The following ENTPD3 variants were observed in gnomAD, a reference collection of about 807,000 sequenced individuals.
ENTPD3 encodes CD39 antigen-like 3.
ENTPD3 carries 60 observed loss-of-function variants against 51.2 expected under a neutral mutation model. That is an observed-to-expected ratio of 1.17 (90% CI 0.95 to 1.45). The LOEUF (loss-of-function observed/expected upper bound fraction) is 1.45. ENTPD3 is among the 40% of genes most tolerant of loss of function. ENTPD3 has a pLI of 0.00. For missense variants in ENTPD3, 593 were observed against 641.1 expected (o/e 0.93, Z 0.81); for synonymous variants, 221 against 238.4 (o/e 0.93, Z 0.67).
chr3:40,400,858 C>T (rs200025674), intron 3 of ENTPD3, 36 bp from the exon 4 acceptor site: 12 of 1,544,490 alleles, frequency 7.8e-6, no homozygotes, highest in African/African-American at 2.7e-5. Context: ...AGAGGAGTCC[C>T]GCCCATTCTG....
Position 40,423,864 on chromosome 3 carries a change from C to T in ENTPD3, c.1254C>T (p.Ala418=), listed in dbSNP as rs1256182268. ...LLLPKFDEVY[A]RSYCFSANYI... is the part of the protein sequence containing the mutation. ...TCCCCAAATTTGATGAGGTATATGCCCGCTCTTACTGCTTCTCAGCCAACT... is the reference window on the plus strand; with the variant it reads ...TCCCCAAATTTGATGAGGTATATGCTCGCTCTTACTGCTTCTCAGCCAACT... The change falls in exon 10 of 11, where the codon GCC becomes GCT. Residue 418 remains alanine (A), a synonymous_variant. Coordinates refer to ENST00000301825, the MANE Select transcript of ENTPD3 (RefSeq NM_001248.4). The T allele has an allele frequency of 6.2e-7, 1 of 1,614,088 alleles. No individual in the cohort carries two copies. The highest frequency in any genetic ancestry group is 8.5e-7 in the Non-Finnish European group (1 of 1,179,998).
In ENTPD3 at chr3:40,423,678, AT is replaced by A. The variant is rs1955928086; in HGVS notation, c.1216-146del. 8.7e-6 allele frequency: 8 copies of A among 918,356 alleles called. No individual in the cohort carries two copies. In the East Asian group the frequency reaches 2.1e-4, roughly 24 times the overall value. 56.9% of individuals were successfully genotyped at this position (918,356 alleles called of 1,614,324 possible). On this transcript the variant is annotated intron_variant, in intron 9 of 10. Transcript: ENST00000301825. ...TATATAGGGATATTTTCATAATTATATTGTGTGATTATATGATTGTATTATA... is the reference window on the plus strand; with the variant it reads ...TATATAGGGATATTTTCATAATTATATGTGTGATTATATGATTGTATTATA...
At chr3:40,388,783 G>A (rs1490089776) in intron 2 of ENTPD3, among the ~76,000 whole-genome samples, 1 of 152,134 alleles carries the variant, frequency 6.6e-6, no homozygotes, top group Non-Finnish European at 1.5e-5. Context: ...TTTCCTAAAT[G>A]AGTAAGACCT....
At chr3:40,399,927 C>A (rs944196386) in intron 3 of ENTPD3, among the ~76,000 whole-genome samples, 2 of 151,978 alleles carry the variant, frequency 1.3e-5, no homozygotes, top group Admixed American at 6.6e-5. Flanking sequence ...TGCTTTTTTT[C>A]TCCTTAATTA....
intron 2 of ENTPD3, among the ~76,000 whole-genome samples, chr3:40,390,215 T>C (rs1330071861): frequency 6.6e-6 from 1 of 152,172 alleles, no homozygotes; most frequent in Non-Finnish European, 1.5e-5. Flanking sequence ...ATTATTATTA[T>C]TTTTTTAGAG....
intron 3 of ENTPD3, 66 bp from the exon 4 acceptor site, chr3:40,400,828 C>A: frequency 8.2e-7 from 1 of 1,215,198 alleles, no homozygotes; most frequent in Non-Finnish European, 1.2e-6. Flanking sequence ...TCTCAGTGGC[C>A]CACTGAGAAA....
At chr3:40,425,127 G>A (rs1955956704) in intron 10 of ENTPD3, 1 of 220,024 alleles carries the variant, frequency 4.5e-6, no homozygotes, top group Admixed American at 4.9e-5. Flanking sequence ...ATTTAAATGT[G>A]AAGATGTAGG....
At position 40,427,574 on chromosome 3, in the gene ENTPD3, C is replaced by A. The variant is rs1956009787; in HGVS notation, c.*66C>A. 1.6e-6 allele frequency: 2 copies of A among 1,214,884 alleles called. No individual in the cohort carries two copies. Among genetic ancestry groups the A allele is most frequent in the Admixed American group, 1.7e-5 (1 of 57,284 alleles). 75.3% of individuals were successfully genotyped at this position (1,214,884 alleles called of 1,614,324 possible). On this transcript the variant is annotated 3_prime_UTR_variant, in exon 11 of 11. Coordinates refer to ENST00000301825, the MANE Select transcript of ENTPD3 (RefSeq NM_001248.4). ...TCAGCCTGGGTGGCACCAGGCAATGCAGGTGAAGTGGCTGCCTTCAGGAAA... is the reference window on the plus strand; with the variant it reads ...TCAGCCTGGGTGGCACCAGGCAATGAAGGTGAAGTGGCTGCCTTCAGGAAA...
intron 4 of ENTPD3, among the ~76,000 whole-genome samples, chr3:40,402,074 G>GCACTGATA (rs1955370013): frequency 1.3e-5 from 2 of 148,702 alleles, no homozygotes; most frequent in Non-Finnish European, 3.0e-5. Flanking sequence ...AGATTCATCT[G>GCACTGATA]CACTGATATG....
chr3:40,424,802 T>C, intron 10 of ENTPD3: 1 of 701,508 alleles, frequency 1.4e-6, no homozygotes, highest in Non-Finnish European at 2.6e-6. Flanking sequence ...ATGTCTGGAG[T>C]CAGCCTGTTC....
chr3:40,387,620 C>G (rs1022777562), intron 1 of ENTPD3, among the ~76,000 whole-genome samples: 1 of 152,180 alleles, frequency 6.6e-6, no homozygotes, highest in Non-Finnish European at 1.5e-5. Context: ...AGACTCCCTT[C>G]CCGGGGCTTT....
intron 4 of ENTPD3, among the ~76,000 whole-genome samples, chr3:40,406,656 T>C (rs1955508648): frequency 6.6e-6 from 1 of 152,144 alleles, no homozygotes; most frequent in South Asian, 2.1e-4. Context: ...CCGGGAAACA[T>C]TTTGCAATGT....
intron 7 of ENTPD3, among the ~76,000 whole-genome samples, chr3:40,417,366 ATAG>A (rs1205738107): frequency 3.3e-5 from 5 of 152,244 alleles, no homozygotes; most frequent in African/African-American, 1.2e-4. Flanking sequence ...ACTTAAAATC[ATAG>A]TAGAAGGCGA....
chr3:40,413,599 C>T (rs1159447921), intron 5 of ENTPD3, among the ~76,000 whole-genome samples: 1 of 152,112 alleles, frequency 6.6e-6, no homozygotes, highest in African/African-American at 2.4e-5. Flanking sequence ...TTCTTGGTTG[C>T]TTCCCCTCCC....
chr3:40,395,321 A>G (rs1231724152), intron 3 of ENTPD3, among the ~76,000 whole-genome samples: 1 of 152,234 alleles, frequency 6.6e-6, no homozygotes, highest in Non-Finnish European at 1.5e-5. Context: ...ATGGAAGACT[A>G]GTAAAATGAG....
At chr3:40,415,483 C>T (rs1955724575) in intron 6 of ENTPD3, among the ~76,000 whole-genome samples, 1 of 152,156 alleles carries the variant, frequency 6.6e-6, no homozygotes, top group South Asian at 2.1e-4. Flanking sequence ...ATACTTCTAG[C>T]TTCTTCTGAC....
intron 3 of ENTPD3, among the ~76,000 whole-genome samples, chr3:40,395,509 G>A (rs553370393): frequency 5.3e-5 from 8 of 152,336 alleles, no homozygotes; most frequent in Admixed American, 3.9e-4. Flanking sequence ...GATGGGTCAG[G>A]CAGCCAAGAG....
In ENTPD3 at chr3:40,427,703, C is replaced by A; in HGVS notation, c.*195C>A. The A allele has an allele frequency of 1.7e-6, 1 of 588,268 alleles. No individual in the cohort carries two copies. Among genetic ancestry groups the A allele is most frequent in the Non-Finnish European group, 3.0e-6 (1 of 329,416 alleles). The allele number at this position is 588,268 out of a possible 1,614,324, so 36.4% of individuals were successfully genotyped here. On this transcript the variant is annotated 3_prime_UTR_variant, in exon 11 of 11. Coordinates refer to ENST00000301825, the MANE Select transcript of ENTPD3 (RefSeq NM_001248.4). ...CCTTGGCTATTCTGTGCATATTGTT[C>A]TTCAGAGACCTCACTACCCACATGC...
At position 40,400,411 on chromosome 3, in the gene ENTPD3, AT is replaced by A. The variant is rs141675318; in HGVS notation, c.169-479del. Among the ~76,000 whole-genome samples, 1,013 of 152,192 alleles carry A rather than the reference AT, an allele frequency of 6.7e-3. 9 individuals carry two copies. The highest frequency in any genetic ancestry group is 0.014 in the African/African-American group (575 of 41,506). On this transcript the variant is annotated intron_variant, in intron 3 of 10. Coordinates refer to ENST00000301825, the MANE Select transcript of ENTPD3 (RefSeq NM_001248.4). The stretch of plus-strand genomic sequence containing the variant: ...ATAGAGGGCATCCAGGTGACTATTC[AT>A]TTTCCGTCTGAGACGAAGATGGCTT...
Sources: gnomAD v4.1 joint callset for allele counts (sites outside exome capture counted in the v4.1 genomes callset) on GRCh38, gnomAD v4.1.1 for gene constraint, MANE v1.5 for transcripts, NCBI Gene and HGNC (gene_info 2026-07-23, HGNC 2026-07-21) for gene names.